URI1: variants seen among roughly 807,000 people sequenced by gnomAD.
URI1 encodes URI1 prefoldin like chaperone, also known as unconventional prefoldin RPB5 interactor 1.
In URI1, 39 loss-of-function variants were observed where a neutral mutation model predicts 60.2. The observed-to-expected ratio is 0.65, with a 90% confidence interval of 0.50 to 0.85. The LOEUF (loss-of-function observed/expected upper bound fraction) is 0.85, where lower values mean the gene tolerates loss of function less well. Among genes scored for constraint, URI1 ranks in the 40% least tolerant of loss-of-function variants. The probability of loss-of-function intolerance (pLI) is 0.00; values close to 1 mark genes in which losing one functional copy is unlikely to be tolerated. For synonymous variants in URI1, 251 were observed against 236.8 expected (o/e 1.06, Z -0.55); for missense variants, 691 against 665.9 (o/e 1.04, Z -0.42).
intron 4 of URI1, among the ~76,000 whole-genome samples, chr19:29,993,762 A>G (rs1413048925): frequency 2.6e-5 from 4 of 152,120 alleles, no homozygotes; most frequent in Non-Finnish European, 5.9e-5. Context: ...CTTGTTCTTT[A>G]ACATCCAGTT....
intron 1 of URI1, among the ~76,000 whole-genome samples, chr19:29,969,072 T>C (rs1029082039): frequency 6.6e-6 from 1 of 152,178 alleles, no homozygotes; most frequent in Non-Finnish European, 1.5e-5. Flanking sequence ...CTTTCATCTT[T>C]CCCCTTATTT....
upstream of URI1, chr19:29,942,202 T>C: frequency 2.0e-6 from 2 of 983,882 alleles, no homozygotes; most frequent in Non-Finnish European, 2.4e-6. Flanking sequence ...GGGCGGGGCC[T>C]GCGCGCTTGC....
At chr19:29,989,231 C>G (rs952885748) in intron 4 of URI1, among the ~76,000 whole-genome samples, 1 of 151,220 alleles carries the variant, frequency 6.6e-6, no homozygotes, top group South Asian at 2.1e-4. Flanking sequence ...CTGCCTCAGC[C>G]TCCTGAGTAG....
At chr19:30,012,175 TAAA>T (rs2056029198) in intron 9 of URI1, 107 bp from the exon 10 acceptor site, 3 of 1,305,144 alleles carry the variant, frequency 2.3e-6, no homozygotes, top group Non-Finnish European at 2.1e-6. Flanking sequence ...AAGATTGTAA[TAAA>T]AATTTTCAGA....
At position 30,015,192 on chromosome 19, in the gene URI1, G is replaced by A; in HGVS notation, c.*123G>A. 1 of 1,445,632 alleles carries A rather than the reference G, an allele frequency of 6.9e-7. No homozygotes were observed. Among genetic ancestry groups the A allele is most frequent in the Non-Finnish European group, 9.1e-7 (1 of 1,101,478 alleles). The allele number at this position is 1,445,632 out of a possible 1,614,324, so 89.6% of individuals were successfully genotyped here. A position where few individuals can be genotyped will look rare whatever the true frequency, so the allele number is the denominator to read the frequency against. Reference sequence around the variant, plus strand: ...GTATCCTGAGTTACTTTGGCAACAAGTTCTTTTACCCTTACCCGTGGTATT... The same window carrying A: ...GTATCCTGAGTTACTTTGGCAACAAATTCTTTTACCCTTACCCGTGGTATT... On this transcript the variant is annotated 3_prime_UTR_variant, in exon 11 of 11. Transcript: ENST00000392271.
chr19:29,990,600 T>C (rs1294788547), intron 4 of URI1, among the ~76,000 whole-genome samples: 1 of 152,142 alleles, frequency 6.6e-6, no homozygotes, highest in Non-Finnish European at 1.5e-5. Context: ...TAGAATAAAT[T>C]AAAGAAACCA....
In URI1 at chr19:29,959,544, A is replaced by G. The variant is rs533677723; in HGVS notation, c.118-11649A>G. ...TAAGATACGACCTCAATTTCTTTGA[A>G]AGTTCAAAGACTATCCAGATTTTCT... On this transcript the variant is annotated intron_variant, in intron 1 of 10. Coordinates refer to ENST00000392271, the MANE Select transcript of URI1 (RefSeq NM_003796.3). 5.8e-4 allele frequency among the ~76,000 whole-genome samples: 88 copies of G among 152,326 alleles called. 1 individual carries two copies. The highest frequency in any genetic ancestry group is 2.1e-3 in the African/African-American group (86 of 41,560).
chr19:30,011,302 T>C, intron 9 of URI1, 66 bp downstream of exon 9: 1 of 1,521,930 alleles, frequency 6.6e-7, no homozygotes, highest in Admixed American at 2.4e-5. Flanking sequence ...ACTGAACCTT[T>C]ACTGGAGAAA....
intron 1 of URI1, among the ~76,000 whole-genome samples, chr19:29,951,396 A>T (rs2055177821): frequency 6.6e-6 from 1 of 152,122 alleles, no homozygotes; most frequent in Admixed American, 6.5e-5. Flanking sequence ...TTTTCGAGCA[A>T]CAAGAACTCT....
In URI1 at chr19:30,011,214, A is replaced by T. The variant is rs778999345; in HGVS notation, c.1156A>T (p.Arg386Trp). 6.2e-7 allele frequency: 1 copy of T among 1,610,852 alleles called. No individual in the cohort carries two copies. The highest frequency in any genetic ancestry group is 1.7e-5 in the Admixed American group (1 of 59,214). Residue 386 changes from arginine to tryptophan, a missense_variant, in exon 9 of 11, where the codon AGG (arginine) becomes TGG (tryptophan). Physicochemically the swap from Arg to Trp is moderately radical, Grantham distance 101 (BLOSUM62 -3). Coordinates refer to ENST00000392271, the MANE Select transcript of URI1 (RefSeq NM_003796.3). ...CTCTGCCCAGGAGCTGCCGACCATCAGGACGCCTGCAGACATTTACAGGTG... is the reference window on the plus strand; with the variant it reads ...CTCTGCCCAGGAGCTGCCGACCATCTGGACGCCTGCAGACATTTACAGGTG... ...GHSAQELPTI[R>W]TPADIYRAFV...
intron 1 of URI1, among the ~76,000 whole-genome samples, chr19:29,961,520 G>A (rs1195374259): frequency 6.6e-6 from 1 of 151,940 alleles, no homozygotes; most frequent in Non-Finnish European, 1.5e-5. Flanking sequence ...ATATTCCATT[G>A]TATTATAGAA....
At chr19:29,953,773 A>C (rs986629161) in intron 1 of URI1, among the ~76,000 whole-genome samples, 11 of 152,130 alleles carry the variant, frequency 7.2e-5, no homozygotes, top group Non-Finnish European at 1.3e-4. Flanking sequence ...AGATGCAGGA[A>C]AAACATAATC....
chr19:29,952,253 C>T (rs114148489), intron 1 of URI1, among the ~76,000 whole-genome samples: 2,998 of 152,236 alleles, frequency 0.02, 115 homozygotes, highest in African/African-American at 0.068. Context: ...TTATATTAAG[C>T]AAATCTTGAT....
intron 1 of URI1, among the ~76,000 whole-genome samples, chr19:29,926,278 T>A (rs866966428): frequency 6.5e-5 from 9 of 138,714 alleles, no homozygotes; most frequent in African/African-American, 2.5e-4. Flanking sequence ...CTTCCTTCCT[T>A]CCTTCCTACC....
At chr19:30,014,645 T>A (rs1187308040) in intron 10 of URI1, among the ~76,000 whole-genome samples, 1 of 152,182 alleles carries the variant, frequency 6.6e-6, no homozygotes, top group Non-Finnish European at 1.5e-5. Flanking sequence ...CAGATAAAAT[T>A]TACATTTTAC....
chr19:29,967,703 G>T (rs1021405657), intron 1 of URI1, among the ~76,000 whole-genome samples: 4 of 152,186 alleles, frequency 2.6e-5, no homozygotes, highest in African/African-American at 9.7e-5. Context: ...TATCCAGTAA[G>T]CCGCATGATG....
At chr19:29,997,992 T>G (rs2145412964) in intron 4 of URI1, among the ~76,000 whole-genome samples, 1 of 152,290 alleles carries the variant, frequency 6.6e-6, no homozygotes, top group East Asian at 1.9e-4. Flanking sequence ...CTTGAATTCC[T>G]GGCCTCAAGC....
intron 1 of URI1, among the ~76,000 whole-genome samples, chr19:29,965,662 A>G (rs1377536111): frequency 6.6e-6 from 1 of 152,094 alleles, no homozygotes; most frequent in African/African-American, 2.4e-5. Flanking sequence ...CACCCCCAAA[A>G]CCCTCCAAAC....
chr19:29,989,099 G>A (rs908526603), intron 4 of URI1, among the ~76,000 whole-genome samples: 3 of 151,766 alleles, frequency 2.0e-5, no homozygotes, highest in Admixed American at 2.0e-4. Flanking sequence ...AAAATATTGG[G>A]TTATATATGC....
Sources: allele counts gnomAD v4.1 joint callset (sites outside exome capture counted in the v4.1 genomes callset), GRCh38; gene constraint gnomAD v4.1.1; transcripts MANE v1.5; gene names NCBI Gene and HGNC (gene_info 2026-07-23, HGNC 2026-07-21).